Variants in SORCS1 observed in about 807,000 individuals in gnomAD.
The protein encoded by SORCS1 is sortilin related VPS10 domain containing receptor 1.
A neutral mutation model predicts 146.1 loss-of-function variants in SORCS1; 60 were observed. That is an observed-to-expected ratio of 0.41 (90% CI 0.33 to 0.51). The LOEUF (loss-of-function observed/expected upper bound fraction) is 0.51, where lower values mean the gene tolerates loss of function less well. Ranked by LOEUF, SORCS1 falls within the 20% of genes least tolerant of loss-of-function variation. SORCS1 has a pLI of 0.21. For missense variants in SORCS1, 1,352 were observed against 1,487.6 expected (o/e 0.91, Z 1.50); for synonymous variants, 637 against 584.0 (o/e 1.09, Z -1.31).
intron 1 of SORCS1, among the ~76,000 whole-genome samples, chr10:106,965,950 A>C (rs1333693368): frequency 6.6e-6 from 1 of 152,176 alleles, no homozygotes; most frequent in African/African-American, 2.4e-5. Flanking sequence ...AGTCAATGGC[A>C]TTTTGTGGTC....
chr10:106,686,100 G>A (rs1388012692), intron 10 of SORCS1, among the ~76,000 whole-genome samples: 2 of 152,074 alleles, frequency 1.3e-5, no homozygotes, highest in Non-Finnish European at 2.9e-5. Context: ...TCAAAATAAA[G>A]TTGATTTTTT....
At chr10:107,129,176 G>A (rs1966844932) in intron 1 of SORCS1, among the ~76,000 whole-genome samples, 8 of 152,180 alleles carry the variant, frequency 5.3e-5, no homozygotes, top group Admixed American at 5.2e-4. Flanking sequence ...AGTACCACAT[G>A]CATGATAATA....
intron 2 of SORCS1, among the ~76,000 whole-genome samples, chr10:106,883,198 A>G (rs1348676603): frequency 2.6e-5 from 4 of 152,138 alleles, no homozygotes; most frequent in African/African-American, 9.7e-5. Flanking sequence ...CCTGAGATAC[A>G]CGTATGACCA....
chr10:107,099,718 C>T (rs1265366120), intron 1 of SORCS1, among the ~76,000 whole-genome samples: 2 of 152,106 alleles, frequency 1.3e-5, no homozygotes, highest in African/African-American at 4.8e-5. Flanking sequence ...ACTAATACAA[C>T]CATAAAGAAT....
At chr10:107,149,157 T>C (rs1968566417) in intron 1 of SORCS1, among the ~76,000 whole-genome samples, 1 of 152,348 alleles carries the variant, frequency 6.6e-6, no homozygotes, top group Non-Finnish European at 1.5e-5. Context: ...TCTCTGACTA[T>C]ACATACATTT....
chr10:106,607,077 C>A, intron 23 of SORCS1, 89 bp downstream of exon 23: 1 of 1,531,482 alleles, frequency 6.5e-7, no homozygotes, highest in Non-Finnish European at 8.8e-7. Flanking sequence ...TTAGGATCAC[C>A]AGTTTATGGG....
chr10:106,918,449 C>T (rs1952550018), intron 2 of SORCS1, among the ~76,000 whole-genome samples: 1 of 152,154 alleles, frequency 6.6e-6, no homozygotes, highest in Admixed American at 6.5e-5. Context: ...AGGCATGAGC[C>T]ACCGTGCCTG....
chr10:106,865,392 C>T (rs899509147), intron 2 of SORCS1, among the ~76,000 whole-genome samples: 1 of 152,130 alleles, frequency 6.6e-6, no homozygotes, highest in African/African-American at 2.4e-5. Flanking sequence ...GGAACTGGAG[C>T]GGACCCCCAA....
At chr10:107,008,934 C>T (rs61867202) in intron 1 of SORCS1, among the ~76,000 whole-genome samples, 53,136 of 152,086 alleles carry the variant, frequency 0.35, 11,088 homozygotes, top group East Asian at 0.5. Context: ...GAGGTGGAGG[C>T]TGCAGTGAGC....
At chr10:106,642,239 A>G (rs898193928) in intron 18 of SORCS1, among the ~76,000 whole-genome samples, 1 of 152,198 alleles carries the variant, frequency 6.6e-6, no homozygotes, top group African/African-American at 2.4e-5. Context: ...GTTAACATGG[A>G]TAGAGGCACA....
chr10:107,070,837 A>G (rs548298176), intron 1 of SORCS1, among the ~76,000 whole-genome samples: 2 of 152,260 alleles, frequency 1.3e-5, no homozygotes, highest in African/African-American at 4.8e-5. Context: ...AGACACACAC[A>G]TACATATATA....
At chr10:106,956,603 T>C in intron 1 of SORCS1, 23 bp from the exon 2 acceptor site, 2 of 1,608,692 alleles carry the variant, frequency 1.2e-6, no homozygotes, top group Non-Finnish European at 8.5e-7. Context: ...GAAGAAATCA[T>C]GGTTAGTCTC....
intron 4 of SORCS1, among the ~76,000 whole-genome samples, chr10:106,775,015 A>G (rs2136358161): frequency 6.6e-6 from 1 of 152,326 alleles, no homozygotes; most frequent in Non-Finnish European, 1.5e-5. Context: ...CAGGCATCCT[A>G]ACTGGTCTTG....
chr10:106,647,951 T>A (rs1310168320), intron 18 of SORCS1, among the ~76,000 whole-genome samples: 2 of 152,202 alleles, frequency 1.3e-5, no homozygotes, highest in African/African-American at 4.8e-5. Context: ...GACTGTAGCT[T>A]TGAACTCCTG....
intron 1 of SORCS1, among the ~76,000 whole-genome samples, chr10:107,163,303 G>C (rs1049942190): frequency 2.0e-5 from 3 of 152,216 alleles, no homozygotes; most frequent in Admixed American, 1.3e-4. Flanking sequence ...CCATGCCAGA[G>C]AACAACCGCT....
intron 2 of SORCS1, among the ~76,000 whole-genome samples, chr10:106,935,108 T>C (rs1346774044): frequency 6.6e-6 from 1 of 151,746 alleles, no homozygotes; most frequent in Non-Finnish European, 1.5e-5. Context: ...AAGAAAATAA[T>C]TTTTGGAATA....
intron 1 of SORCS1, among the ~76,000 whole-genome samples, chr10:107,004,109 GA>G (rs961270122): frequency 1.3e-5 from 2 of 148,758 alleles, no homozygotes; most frequent in African/African-American, 5.0e-5. Context: ...CCGGGAGGCG[GA>G]GCTGGCACTG....
chr10:106,771,218 G>GT (rs72204097), intron 4 of SORCS1, among the ~76,000 whole-genome samples: 4,341 of 147,458 alleles, frequency 0.029, 83 homozygotes, highest in Middle Eastern at 0.066. Context: ...CTTCTCTCCT[G>GT]TTTTTTTTTT....
chr10:106,954,188 G>T (rs924908799), intron 2 of SORCS1, among the ~76,000 whole-genome samples: 1 of 152,156 alleles, frequency 6.6e-6, no homozygotes, highest in South Asian at 2.1e-4. Context: ...TTATGACTGC[G>T]TAAGCCTCTG....
Sources: gnomAD v4.1 joint callset for allele counts (sites outside exome capture counted in the v4.1 genomes callset) on GRCh38, gnomAD v4.1.1 for gene constraint, MANE v1.5 for transcripts, NCBI Gene and HGNC (gene_info 2026-07-23, HGNC 2026-07-21) for gene names.